Variants in PDGFD observed in about 807,000 individuals in gnomAD.
PDGFD encodes the protein platelet-derived growth factor D.
A neutral mutation model predicts 44.7 loss-of-function variants in PDGFD; 30 were observed. The observed-to-expected ratio is 0.67, with a 90% CI of 0.50 to 0.91. The LOEUF is 0.91. Ranked by LOEUF, PDGFD falls within the 40% of genes least tolerant of loss-of-function variation. The pLI, the probability that PDGFD is intolerant of heterozygous loss-of-function variation, is 0.00. For missense variants in PDGFD, 445 were observed against 457.8 expected (o/e 0.97, Z 0.25); for synonymous variants, 173 against 168.4 (o/e 1.03, Z -0.21).
chr11:104,161,097 G>A (rs1347635026), intron 1 of PDGFD, among the ~76,000 whole-genome samples: 1 of 152,158 alleles, frequency 6.6e-6, no homozygotes, highest in East Asian at 1.9e-4. Flanking sequence ...AGGAACAAAT[G>A]AAAAGCCTTC....
At chr11:104,026,130 C>A (rs778061614) in intron 1 of PDGFD, among the ~76,000 whole-genome samples, 45 of 152,210 alleles carry the variant, frequency 3.0e-4, no homozygotes, top group Non-Finnish European at 5.7e-4. Context: ...CTGATGAATA[C>A]TGTATCAGGA....
intron 1 of PDGFD, among the ~76,000 whole-genome samples, chr11:104,122,199 G>C (rs1005907841): frequency 6.6e-6 from 1 of 152,034 alleles, no homozygotes; most frequent in African/African-American, 2.4e-5. Context: ...GCTGGCAGCT[G>C]TGCCAACAGA....
chr11:104,033,881 C>T (rs894347261), intron 1 of PDGFD, among the ~76,000 whole-genome samples: 3 of 152,064 alleles, frequency 2.0e-5, no homozygotes, highest in African/African-American at 7.2e-5. Context: ...GTGCAAAGAA[C>T]CATAACATAA....
chr11:103,933,965 T>G (rs572554260), intron 5 of PDGFD, among the ~76,000 whole-genome samples: 2 of 152,302 alleles, frequency 1.3e-5, no homozygotes, highest in South Asian at 2.1e-4. Flanking sequence ...GTATAAAGCA[T>G]ATCTATGAAA....
At chr11:104,120,266 C>A (rs1228101566) in intron 1 of PDGFD, among the ~76,000 whole-genome samples, 1 of 151,726 alleles carries the variant, frequency 6.6e-6, no homozygotes, top group Non-Finnish European at 1.5e-5. Context: ...CAATTGGCAT[C>A]TATCTGGTTT....
chr11:104,149,744 A>G (rs1862215644), intron 1 of PDGFD, among the ~76,000 whole-genome samples: 1 of 152,186 alleles, frequency 6.6e-6, no homozygotes, highest in South Asian at 2.1e-4. Flanking sequence ...TCAGGTGGCC[A>G]TAGTATATTC....
intron 3 of PDGFD, among the ~76,000 whole-genome samples, chr11:103,978,037 T>C (rs1859209233): frequency 1.3e-5 from 2 of 152,046 alleles, no homozygotes; most frequent in Admixed American, 1.3e-4. Context: ...GGATATGAGA[T>C]TGCTGCAGCT....
At chr11:104,008,534 T>A (rs1437684430) in intron 1 of PDGFD, among the ~76,000 whole-genome samples, 2 of 152,188 alleles carry the variant, frequency 1.3e-5, no homozygotes, top group African/African-American at 4.8e-5. Flanking sequence ...CTTAGCACAC[T>A]AATTTGTGTT....
intron 3 of PDGFD, among the ~76,000 whole-genome samples, chr11:103,957,736 T>C (rs1281338087): frequency 6.6e-6 from 1 of 151,772 alleles, no homozygotes; most frequent in Non-Finnish European, 1.5e-5. Flanking sequence ...GAGAAGGGGG[T>C]CATTGATTTA....
chr11:103,947,527 T>C (rs548225984), intron 4 of PDGFD, 135 bp downstream of exon 4: 5 of 680,798 alleles, frequency 7.3e-6, no homozygotes, highest in Non-Finnish European at 1.3e-5. Context: ...CTGAATGAAA[T>C]GGAGAAACAC....
intron 3 of PDGFD, among the ~76,000 whole-genome samples, chr11:103,955,270 G>T (rs900173715): frequency 1.4e-5 from 2 of 145,388 alleles, no homozygotes; most frequent in Non-Finnish European, 3.0e-5. Flanking sequence ...GTTTGTTCAT[G>T]ACACTCTGCT....
At chr11:103,915,396 C>T (rs11226074) in intron 6 of PDGFD, among the ~76,000 whole-genome samples, 69,612 of 151,832 alleles carry the variant, frequency 0.46, 16,061 homozygotes, top group South Asian at 0.49. Context: ...ACAAGGGACA[C>T]GTAGGAACTC....
chr11:104,151,432 G>A (rs998088878), intron 1 of PDGFD, among the ~76,000 whole-genome samples: 1 of 152,048 alleles, frequency 6.6e-6, no homozygotes, highest in African/African-American at 2.4e-5. Context: ...GAATAGAATT[G>A]TTGTATATTA....
intron 1 of PDGFD, among the ~76,000 whole-genome samples, chr11:104,051,522 T>C (rs1860536716): frequency 6.6e-6 from 1 of 152,120 alleles, no homozygotes; most frequent in South Asian, 2.1e-4. Context: ...CATCCCAGAA[T>C]TACTTAAATA....
chr11:104,055,866 T>C (rs1301276254), intron 1 of PDGFD, among the ~76,000 whole-genome samples: 1 of 152,158 alleles, frequency 6.6e-6, no homozygotes, highest in South Asian at 2.1e-4. Context: ...GCTTCCTTCA[T>C]ATAAGGAGAA....
intron 1 of PDGFD, among the ~76,000 whole-genome samples, chr11:104,111,037 C>G (rs1466112231): frequency 6.6e-6 from 1 of 151,888 alleles, no homozygotes; most frequent in African/African-American, 2.4e-5. Flanking sequence ...AGAAAATGTT[C>G]TGACAGTGGT....
chr11:103,924,253 T>C (rs1367709722), intron 6 of PDGFD, among the ~76,000 whole-genome samples: 1 of 152,248 alleles, frequency 6.6e-6, no homozygotes, highest in Non-Finnish European at 1.5e-5. Flanking sequence ...TTGAATGTTC[T>C]TCCTCACAGT....
chr11:104,143,555 CT>C (rs1486455854), intron 1 of PDGFD, among the ~76,000 whole-genome samples: 32 of 152,170 alleles, frequency 2.1e-4, no homozygotes, highest in Admixed American at 2.1e-3. Flanking sequence ...AGCCTTAGTC[CT>C]TCCCCAGTTC....
intron 1 of PDGFD, among the ~76,000 whole-genome samples, chr11:104,161,961 G>A (rs1490982661): frequency 6.6e-6 from 1 of 151,890 alleles, no homozygotes; most frequent in East Asian, 1.9e-4. Context: ...GTGTGTGTGT[G>A]TGTGTGTGTG....
Sources: allele counts gnomAD v4.1 joint callset (sites outside exome capture counted in the v4.1 genomes callset), GRCh38; gene constraint gnomAD v4.1.1; transcripts MANE v1.5; gene names NCBI Gene and HGNC (gene_info 2026-07-23, HGNC 2026-07-21).